VWA8: variants seen among roughly 807,000 people sequenced by gnomAD.
VWA8 encodes von Willebrand factor A domain-containing protein 8.
VWA8 carries 221 observed loss-of-function variants against 241.5 expected under a neutral mutation model. The ratio of observed to expected loss-of-function variants is 0.91; its 90% CI spans 0.82 to 1.02. The LOEUF (loss-of-function observed/expected upper bound fraction) is 1.02. Ranked by LOEUF, VWA8 falls within the 50% of genes least tolerant of loss-of-function variation. The pLI is 0.00. For synonymous variants in VWA8, 852 were observed against 827.1 expected (o/e 1.03, Z -0.52); for missense variants, 2,322 against 2,328.7 (o/e 1.00, Z 0.06).
At chr13:41,663,015 T>C (rs560427990) in intron 37 of VWA8, among the ~76,000 whole-genome samples, 10 of 152,292 alleles carry the variant, frequency 6.6e-5, no homozygotes, top group South Asian at 6.2e-4. Context: ...ACCATTTAGG[T>C]AGTTCAAATT....
In VWA8 at chr13:41,778,171, A is replaced by C. The variant is rs143622943; in HGVS notation, c.2278-115T>G. Reference sequence around the variant, plus strand: ...ATATCTATTATAATAAACAATTATCAATCGATTTGATATAACCCAAAATTA... The same window carrying C: ...ATATCTATTATAATAAACAATTATCCATCGATTTGATATAACCCAAAATTA... On this transcript the variant is annotated intron_variant, in intron 19 of 44. Coordinates refer to ENST00000379310, the MANE Select transcript of VWA8 (RefSeq NM_015058.2). 1,354 of 603,620 alleles carry C rather than the reference A, an allele frequency of 2.2e-3. 7 individuals are homozygous for C. The highest frequency in any genetic ancestry group is 7.6e-3 in the Admixed American group (181 of 23,962). The allele number at this position is 603,620 out of a possible 1,614,324, so 37.4% of individuals were successfully genotyped here.
chr13:41,757,876 T>C (rs886968639), intron 21 of VWA8, among the ~76,000 whole-genome samples: 1 of 151,748 alleles, frequency 6.6e-6, no homozygotes, highest in African/African-American at 2.4e-5. Context: ...AACAAATTCT[T>C]AACATTTAAT....
At chr13:41,726,421 C>G (rs2045433884) in intron 24 of VWA8, among the ~76,000 whole-genome samples, 1 of 152,098 alleles carries the variant, frequency 6.6e-6, no homozygotes, top group Admixed American at 6.5e-5. Flanking sequence ...TATATACTTG[C>G]TATAGAGAAG....
chr13:41,887,365 T>C lies in VWA8; in HGVS notation c.652-4A>G. The C allele has an allele frequency of 4.4e-6, 7 of 1,606,274 alleles. No individual in the cohort carries two copies. Among genetic ancestry groups the C allele is most frequent in the Non-Finnish European group, 5.9e-6 (7 of 1,177,750 alleles). On this transcript the variant is annotated splice_polypyrimidine_tract_variant and splice_region_variant and intron_variant, in intron 5 of 44. Transcript: ENST00000379310. ...CCAACTCTTTTTTGGTATGATCCTATAAAAGTAAGAGATCCGGAAGCTATA... is the reference window on the plus strand; with the variant it reads ...CCAACTCTTTTTTGGTATGATCCTACAAAAGTAAGAGATCCGGAAGCTATA...
intron 2 of VWA8, among the ~76,000 whole-genome samples, chr13:41,918,046 C>T (rs1876340747): frequency 6.6e-6 from 1 of 152,084 alleles, no homozygotes. Context: ...ATATTTAGCA[C>T]CAAAGTCCTC....
At chr13:41,813,430 A>G (rs1436044340) in intron 16 of VWA8, among the ~76,000 whole-genome samples, 1 of 152,214 alleles carries the variant, frequency 6.6e-6, no homozygotes. Flanking sequence ...ACTGATATCA[A>G]AAGTCAAATA....
At chr13:41,693,185 A>AT (rs950270082) in intron 29 of VWA8, among the ~76,000 whole-genome samples, 13 of 152,000 alleles carry the variant, frequency 8.6e-5, no homozygotes, top group Admixed American at 8.5e-4. Context: ...AGAATTTAAA[A>AT]TTTTTGGTGG....
rs1386401432 is a variant in VWA8 at position 41,881,480 on chromosome 13, G to A, written c.1080+1907C>T. ...TGTCTACCTCTTTCTACACAGACAC[G>A]GCAACCATCCGATTTCTCAATCTTT... On this transcript the variant is annotated intron_variant, in intron 9 of 44. Coordinates refer to ENST00000379310, the MANE Select transcript of VWA8 (RefSeq NM_015058.2). Among the ~76,000 whole-genome samples, 7 of 111,384 alleles carry A rather than the reference G, an allele frequency of 6.3e-5. No homozygotes were observed. In the East Asian group the frequency reaches 9.8e-4, roughly 16 times the overall value. 73.1% of individuals were successfully genotyped at this position (111,384 alleles called of 152,430 possible).
At chr13:41,826,229 G>A (rs970133589) in intron 14 of VWA8, among the ~76,000 whole-genome samples, 10 of 152,152 alleles carry the variant, frequency 6.6e-5, no homozygotes, top group Non-Finnish European at 1.3e-4. Flanking sequence ...AGAAAATGGT[G>A]TGGTTCTCAG....
intron 37 of VWA8, among the ~76,000 whole-genome samples, chr13:41,668,793 T>G (rs1317240704): frequency 6.6e-6 from 1 of 152,202 alleles, no homozygotes; most frequent in East Asian, 1.9e-4. Flanking sequence ...GACTCATGTT[T>G]GAGTATGTAT....
chr13:41,805,849 CT>C (rs760167530), intron 17 of VWA8, among the ~76,000 whole-genome samples: 43 of 151,838 alleles, frequency 2.8e-4, no homozygotes, highest in Non-Finnish European at 5.0e-4. Context: ...AAATGTTGGA[CT>C]TAATCTGCAC....
intron 4 of VWA8, among the ~76,000 whole-genome samples, chr13:41,891,946 A>G (rs957128292): frequency 6.6e-6 from 1 of 152,240 alleles, no homozygotes; most frequent in East Asian, 1.9e-4. Context: ...GAAAAGAAAA[A>G]TGAAGACAGT....
chr13:41,811,462 C>A, intron 16 of VWA8, 122 bp from the exon 17 acceptor site: 1 of 539,212 alleles, frequency 1.9e-6, no homozygotes. Context: ...AAAGTATGTG[C>A]TGTTAATTAA....
intron 29 of VWA8, among the ~76,000 whole-genome samples, chr13:41,697,614 G>T (rs1384154196): frequency 6.6e-6 from 1 of 152,194 alleles, no homozygotes; most frequent in Non-Finnish European, 1.5e-5. Flanking sequence ...GCACAACCTA[G>T]ATCCCTTGCA....
chr13:41,701,534 T>C lies in VWA8; in HGVS notation c.3226-4A>G. The C allele has an allele frequency of 1.3e-6, 2 of 1,547,586 alleles. No individual in the cohort carries two copies. The highest frequency in any genetic ancestry group is 1.7e-6 in the Non-Finnish European group (2 of 1,153,108). Reference sequence around the variant, plus strand: ...GTATATTTATAAGTGCTGGACCCTATAATAAAGCAGTTATCTCAGTTAAGA... The same window carrying C: ...GTATATTTATAAGTGCTGGACCCTACAATAAAGCAGTTATCTCAGTTAAGA... On this transcript the variant is annotated splice_polypyrimidine_tract_variant and splice_region_variant and intron_variant, in intron 27 of 44. Transcript: ENST00000379310.
chr13:41,731,491 T>C (rs1409776087), intron 22 of VWA8, among the ~76,000 whole-genome samples: 4 of 152,188 alleles, frequency 2.6e-5, no homozygotes, highest in Non-Finnish European at 5.9e-5. Context: ...ATTGCTGTCA[T>C]TCTCTAAATC....
At chr13:41,745,326 T>G (rs2045597168) in intron 21 of VWA8, among the ~76,000 whole-genome samples, 1 of 152,126 alleles carries the variant, frequency 6.6e-6, no homozygotes, top group Non-Finnish European at 1.5e-5. Context: ...TGTGTGATGT[T>G]CCCGGCTCTG....
At chr13:41,737,653 G>A (rs1444522272) in intron 21 of VWA8, among the ~76,000 whole-genome samples, 1 of 152,142 alleles carries the variant, frequency 6.6e-6, no homozygotes, top group Admixed American at 6.5e-5. Flanking sequence ...AATATTTCTA[G>A]TTAATAATAG....
At chr13:41,736,836 TTTC>T (rs1439256882) in intron 21 of VWA8, among the ~76,000 whole-genome samples, 1 of 137,604 alleles carries the variant, frequency 7.3e-6, no homozygotes, top group East Asian at 2.1e-4. Context: ...CTCGATATTT[TTTC>T]TTTTCTTTTT....
Sources: allele counts gnomAD v4.1 joint callset (sites outside exome capture counted in the v4.1 genomes callset), GRCh38; gene constraint gnomAD v4.1.1; transcripts MANE v1.5; gene names NCBI Gene and HGNC (gene_info 2026-07-23, HGNC 2026-07-21).